Variants in ITGA9 observed in about 807,000 individuals in gnomAD.
The protein encoded by ITGA9 is integrin subunit alpha 9.
A neutral mutation model predicts 127.8 loss-of-function variants in ITGA9; 56 were observed. The observed-to-expected ratio is 0.44, with a 90% CI of 0.35 to 0.55. The LOEUF is 0.55. ITGA9 is among the 20% of genes least tolerant of loss of function. ITGA9 has a pLI of 0.00. For synonymous variants in ITGA9, 508 were observed against 514.5 expected (o/e 0.99, Z 0.17); for missense variants, 1,196 against 1,347.1 (o/e 0.89, Z 1.76).
chr3:37,473,051 A>G (rs1465608581), intron 2 of ITGA9, among the ~76,000 whole-genome samples: 4 of 149,946 alleles, frequency 2.7e-5, no homozygotes, highest in East Asian at 2.0e-4. Flanking sequence ...AGGCAGGGCA[A>G]TCGCTTGAAC....
At chr3:37,502,706 C>A (rs1698799381) in intron 5 of ITGA9, among the ~76,000 whole-genome samples, 1 of 152,138 alleles carries the variant, frequency 6.6e-6, no homozygotes, top group Non-Finnish European at 1.5e-5. Flanking sequence ...GGAGGGGATT[C>A]CCTGGAGTAC....
chr3:37,475,921 T>C (rs1229386151), intron 3 of ITGA9, among the ~76,000 whole-genome samples: 1 of 152,252 alleles, frequency 6.6e-6, no homozygotes, highest in Non-Finnish European at 1.5e-5. Flanking sequence ...TTGACTACTT[T>C]AGATCTTATG....
chr3:37,620,014 C>T (rs112782131), intron 15 of ITGA9, among the ~76,000 whole-genome samples: 2,241 of 152,282 alleles, frequency 0.015, 36 homozygotes, highest in Non-Finnish European at 0.018. Flanking sequence ...CAATTCACGC[C>T]ATCCTTTCTG....
chr3:37,778,977 CTCTG>C (rs1422962629), intron 24 of ITGA9, among the ~76,000 whole-genome samples: 5 of 150,132 alleles, frequency 3.3e-5, no homozygotes, highest in Non-Finnish European at 5.9e-5. Flanking sequence ...ATAGTTACGA[CTCTG>C]TCTGGCTGAA....
At chr3:37,688,369 A>G (rs1700800533) in intron 18 of ITGA9, among the ~76,000 whole-genome samples, 2 of 152,268 alleles carry the variant, frequency 1.3e-5, no homozygotes, top group Admixed American at 1.3e-4. Context: ...AGAATGAAGC[A>G]AAACAATTTT....
intron 15 of ITGA9, among the ~76,000 whole-genome samples, chr3:37,626,147 T>A (rs1254984207): frequency 6.6e-6 from 1 of 152,244 alleles, no homozygotes; most frequent in Non-Finnish European, 1.5e-5. Flanking sequence ...TTATTCCCAT[T>A]CATCCTTGTG....
intron 18 of ITGA9, among the ~76,000 whole-genome samples, chr3:37,688,194 T>G (rs1005849450): frequency 1.4e-4 from 21 of 152,182 alleles, no homozygotes; most frequent in Non-Finnish European, 2.8e-4. Flanking sequence ...GGGGCATGGC[T>G]TCAGGTGACC....
chr3:37,805,150 A>C (rs1285332349), intron 27 of ITGA9, among the ~76,000 whole-genome samples: 1 of 151,910 alleles, frequency 6.6e-6, no homozygotes, highest in Non-Finnish European at 1.5e-5. Flanking sequence ...TCCTGGGCTC[A>C]AGCTGTTTTC....
intron 17 of ITGA9, among the ~76,000 whole-genome samples, chr3:37,668,962 A>G (rs1294228279): frequency 6.6e-6 from 1 of 152,214 alleles, no homozygotes; most frequent in Non-Finnish European, 1.5e-5. Context: ...TCTAGATTTT[A>G]TGAGCTTGTT....
intron 12 of ITGA9, among the ~76,000 whole-genome samples, chr3:37,524,245 G>A (rs1266130648): frequency 1.3e-5 from 2 of 152,178 alleles, no homozygotes; most frequent in African/African-American, 2.4e-5. Flanking sequence ...TTCTTCAGGT[G>A]TTTCAAGATG....
At chr3:37,534,920 A>G (rs1699193894) in intron 14 of ITGA9, among the ~76,000 whole-genome samples, 1 of 152,228 alleles carries the variant, frequency 6.6e-6, no homozygotes, top group African/African-American at 2.4e-5. Flanking sequence ...TCTTAAGGAA[A>G]AAAGCTTTCT....
chr3:37,517,461 T>C, intron 9 of ITGA9, 43 bp from the exon 10 acceptor site: 1 of 1,383,846 alleles, frequency 7.2e-7, no homozygotes, highest in Non-Finnish European at 1.0e-6. Flanking sequence ...GTTCTGTTTG[T>C]TTTTGTTTTG....
At chr3:37,637,304 T>C (rs1700288964) in intron 16 of ITGA9, among the ~76,000 whole-genome samples, 1 of 152,184 alleles carries the variant, frequency 6.6e-6, no homozygotes, top group African/African-American at 2.4e-5. Flanking sequence ...CCTCTTTTAT[T>C]TCATTGAGCA....
intron 15 of ITGA9, among the ~76,000 whole-genome samples, chr3:37,572,752 A>G (rs919121938): frequency 1.3e-5 from 2 of 152,234 alleles, no homozygotes; most frequent in Non-Finnish European, 2.9e-5. Context: ...AGATGCTAAC[A>G]GTGTACATTC....
intron 4 of ITGA9, among the ~76,000 whole-genome samples, chr3:37,492,083 G>A (rs1194954143): frequency 6.6e-6 from 1 of 152,178 alleles, no homozygotes; most frequent in Non-Finnish European, 1.5e-5. Flanking sequence ...GGCAGGGATC[G>A]GATAGGTGGT....
intron 13 of ITGA9, among the ~76,000 whole-genome samples, chr3:37,528,889 G>T (rs267513): frequency 0.57 from 87,280 of 151,962 alleles, 25,556 homozygotes; most frequent in East Asian, 0.82. Context: ...TCACCCCAGA[G>T]AGTTTCCTTG....
At chr3:37,633,879 A>G (rs1051041025) in intron 16 of ITGA9, among the ~76,000 whole-genome samples, 3 of 152,210 alleles carry the variant, frequency 2.0e-5, no homozygotes, top group Non-Finnish European at 4.4e-5. Context: ...CTTTTGAAAT[A>G]AAAAATTTGA....
At chr3:37,639,256 TTG>T (rs1191201195) in intron 16 of ITGA9, among the ~76,000 whole-genome samples, 1 of 152,204 alleles carries the variant, frequency 6.6e-6, no homozygotes, top group Non-Finnish European at 1.5e-5. Flanking sequence ...AGCAATTCAA[TTG>T]TGTGTCTACT....
At chr3:37,598,135 A>G (rs573868031) in intron 15 of ITGA9, among the ~76,000 whole-genome samples, 1 of 152,352 alleles carries the variant, frequency 6.6e-6, no homozygotes, top group East Asian at 1.9e-4. Flanking sequence ...GGTAGTCAGG[A>G]TTACATAAGA....
Sources: allele counts gnomAD v4.1 joint callset (sites outside exome capture counted in the v4.1 genomes callset), GRCh38; gene constraint gnomAD v4.1.1; transcripts MANE v1.5; gene names NCBI Gene and HGNC (gene_info 2026-07-23, HGNC 2026-07-21).